PDE3B: variants seen among roughly 807,000 people sequenced by gnomAD.
PDE3B encodes phosphodiesterase 3B.
A neutral mutation model predicts 116.8 loss-of-function variants in PDE3B; 66 were observed. The ratio of observed to expected loss-of-function variants is 0.56; its 90% CI spans 0.46 to 0.69. PDE3B has a LOEUF of 0.69. Ranked by LOEUF, PDE3B falls within the 30% of genes least tolerant of loss-of-function variation. PDE3B has a pLI of 0.00. For missense variants in PDE3B, 1,384 were observed against 1,368.1 expected (o/e 1.01, Z -0.18); for synonymous variants, 595 against 533.6 (o/e 1.12, Z -1.59).
intron 4 of PDE3B, among the ~76,000 whole-genome samples, chr11:14,790,918 GCTGT>G (rs780115708): frequency 9.2e-5 from 14 of 152,016 alleles, no homozygotes; most frequent in South Asian, 4.1e-4. Flanking sequence ...CTGGATCAGT[GCTGT>G]CTAATAGAAA....
At chr11:14,708,275 C>A (rs1225022837) in intron 1 of PDE3B, among the ~76,000 whole-genome samples, 1 of 151,934 alleles carries the variant, frequency 6.6e-6, no homozygotes, top group Non-Finnish European at 1.5e-5. Context: ...TTCACCTTAC[C>A]CCATGAGAGG....
intron 1 of PDE3B, among the ~76,000 whole-genome samples, chr11:14,721,474 C>T (rs1272011187): frequency 6.6e-6 from 1 of 151,312 alleles, no homozygotes. Flanking sequence ...CACATGCACA[C>T]GTATGTTTAT....
intron 1 of PDE3B, among the ~76,000 whole-genome samples, chr11:14,648,406 AGT>A (rs1853472734): frequency 1.3e-5 from 2 of 152,166 alleles, no homozygotes; most frequent in African/African-American, 4.8e-5. Flanking sequence ...TTTTTTTTAA[AGT>A]GTGGTTATTT....
chr11:14,866,404 C>CT (rs1240034869), intron 14 of PDE3B, among the ~76,000 whole-genome samples: 1 of 151,416 alleles, frequency 6.6e-6, no homozygotes, highest in African/African-American at 2.4e-5. Flanking sequence ...CCATGCCCAA[C>CT]TTTTTTTTTA....
At chr11:14,778,213 G>A (rs890205888) in intron 2 of PDE3B, among the ~76,000 whole-genome samples, 13 of 152,126 alleles carry the variant, frequency 8.5e-5, no homozygotes, top group African/African-American at 2.7e-4. Context: ...GAGTCCTGCC[G>A]GCCTCTGTAG....
At chr11:14,854,518 A>AT (rs72059847) in intron 12 of PDE3B, among the ~76,000 whole-genome samples, 1,957 of 143,934 alleles carry the variant, frequency 0.014, 15 homozygotes, top group East Asian at 0.027. Flanking sequence ...GAAATCTAGA[A>AT]TTTTTTTTTT....
At chr11:14,744,203 A>G (rs1421598114) in intron 1 of PDE3B, among the ~76,000 whole-genome samples, 1 of 152,126 alleles carries the variant, frequency 6.6e-6, no homozygotes, top group African/African-American at 2.4e-5. Context: ...CAGTTATGCA[A>G]CCAGCTATGT....
intron 2 of PDE3B, among the ~76,000 whole-genome samples, chr11:14,779,497 GAGTGGGGT>G (rs1436599296): frequency 1.3e-5 from 2 of 152,220 alleles, no homozygotes; most frequent in Admixed American, 1.3e-4. Flanking sequence ...AGCCAGGAGA[GAGTGGGGT>G]CCAATATTCA....
At chr11:14,654,643 G>A (rs117843043) in intron 1 of PDE3B, among the ~76,000 whole-genome samples, 2,598 of 152,224 alleles carry the variant, frequency 0.017, 38 homozygotes, top group Non-Finnish European at 0.026. Flanking sequence ...TCTTCTAAGA[G>A]AACAGACTAG....
chr11:14,854,851 A>C lies in PDE3B; in HGVS notation c.2521-4192A>C, dbSNP rs572675378. On this transcript the variant is annotated intron_variant, in intron 12 of 15. Transcript: ENST00000282096. The stretch of plus-strand genomic sequence containing the variant: ...TTTCTATATACACAGAAAACCAAGG[A>C]TCATCAGCCATGGCATTAATCAGAA... 3.9e-5 allele frequency among the ~76,000 whole-genome samples: 6 copies of C among 152,278 alleles called. No homozygotes were observed. The South Asian group carries it at 1.2e-3, about 32-fold the overall frequency.
the PDE3B span, chr11:14,879,323 A>C: frequency 6.2e-7 from 1 of 1,613,102 alleles, no homozygotes; most frequent in South Asian, 1.1e-5. Context: ...TAATGGAACT[A>C]TATTACAGAA....
At chr11:14,661,293 G>C (rs989087286) in intron 1 of PDE3B, among the ~76,000 whole-genome samples, 1 of 152,196 alleles carries the variant, frequency 6.6e-6, no homozygotes, top group East Asian at 1.9e-4. Flanking sequence ...TGATAGACTG[G>C]ATTAAGAAAA....
intron 11 of PDE3B, among the ~76,000 whole-genome samples, chr11:14,835,652 T>G (rs1458035848): frequency 6.6e-6 from 1 of 152,170 alleles, no homozygotes; most frequent in Non-Finnish European, 1.5e-5. Flanking sequence ...ACATTTATAG[T>G]TCTCTTATTC....
chr11:14,775,514 T>G (rs956630302), intron 2 of PDE3B: 2 of 152,182 alleles, frequency 1.3e-5, no homozygotes, highest in Non-Finnish European at 2.9e-5. Context: ...TTTTGAACGC[T>G]AATGCCATTT....
chr11:14,865,459 T>C (rs1372807396), intron 14 of PDE3B, among the ~76,000 whole-genome samples: 2 of 152,100 alleles, frequency 1.3e-5, no homozygotes, highest in African/African-American at 4.8e-5. Flanking sequence ...GTGGGAGTAA[T>C]TGAGCCTATA....
intron 4 of PDE3B, among the ~76,000 whole-genome samples, chr11:14,793,021 G>T (rs551686257): frequency 1.3e-5 from 2 of 152,166 alleles, no homozygotes; most frequent in Non-Finnish European, 2.9e-5. Context: ...GCATTAAAAT[G>T]AATCTTTGAA....
the PDE3B span, chr11:14,880,878 C>G: frequency 9.7e-7 from 1 of 1,027,592 alleles, no homozygotes; most frequent in Non-Finnish European, 1.4e-6. Context: ...CCAAATTGTC[C>G]TCCTATATAA....
At chr11:14,736,214 G>A (rs1015388476) in intron 1 of PDE3B, among the ~76,000 whole-genome samples, 4 of 152,112 alleles carry the variant, frequency 2.6e-5, no homozygotes, top group African/African-American at 9.7e-5. Context: ...CATGAACACA[G>A]CCTTGATAAA....
At chr11:14,716,545 G>C (rs1311030767) in intron 1 of PDE3B, among the ~76,000 whole-genome samples, 1 of 144,236 alleles carries the variant, frequency 6.9e-6, no homozygotes, top group African/African-American at 2.6e-5. Context: ...AGAGAGCAGT[G>C]GTTCTCCCAG....
Sources: allele counts gnomAD v4.1 joint callset (sites outside exome capture counted in the v4.1 genomes callset), GRCh38; gene constraint gnomAD v4.1.1; transcripts MANE v1.5; gene names NCBI Gene and HGNC (gene_info 2026-07-23, HGNC 2026-07-21).